TSPAN8: variants seen among roughly 807,000 people sequenced by gnomAD.
The protein encoded by TSPAN8 is tetraspanin-8.
Under a neutral mutation model 32.8 loss-of-function variants are expected in TSPAN8, and 21 were observed. That is an observed-to-expected ratio of 0.64 (90% CI 0.45 to 0.92). The LOEUF (loss-of-function observed/expected upper bound fraction) is 0.92, where lower values mean the gene tolerates loss of function less well. Among genes scored for constraint, TSPAN8 ranks in the 40% least tolerant of loss-of-function variants. The pLI, the probability that TSPAN8 is intolerant of heterozygous loss-of-function variation, is 0.00. For synonymous variants in TSPAN8, 95 were observed against 94.6 expected (o/e 1.00, Z -0.03); for missense variants, 269 against 281.9 (o/e 0.95, Z 0.33).
chr12:71,149,754 TTG>T (rs1401495213), intron 2 of TSPAN8, among the ~76,000 whole-genome samples: 4 of 152,238 alleles, frequency 2.6e-5, no homozygotes, highest in Non-Finnish European at 2.9e-5. Context: ...CCTGTGATAA[TTG>T]TGTTAACTGT....
chr12:71,154,443 T>C (rs939400612), intron 2 of TSPAN8, among the ~76,000 whole-genome samples: 1 of 151,706 alleles, frequency 6.6e-6, no homozygotes, highest in African/African-American at 2.4e-5. Flanking sequence ...TCAAGGTAGG[T>C]AGGTAAATAA....
At chr12:71,150,131 T>A (rs938899426) in intron 2 of TSPAN8, among the ~76,000 whole-genome samples, 2 of 152,148 alleles carry the variant, frequency 1.3e-5, no homozygotes, top group African/African-American at 4.8e-5. Flanking sequence ...CTTACTAGGA[T>A]TGGGAAACTC....
chr12:71,153,935 A>G (rs1252211589), intron 2 of TSPAN8, among the ~76,000 whole-genome samples: 1 of 152,168 alleles, frequency 6.6e-6, no homozygotes, highest in East Asian at 1.9e-4. Flanking sequence ...GTTAGTTAGA[A>G]AGATCTAACT....
chr12:71,157,735 G>A lies in TSPAN8; in HGVS notation c.-57C>T. 7.2e-7 allele frequency: 1 copy of A among 1,392,194 alleles called. No individual in the cohort carries two copies. The highest frequency in any genetic ancestry group is 1.2e-5 in the South Asian group (1 of 86,318). The allele number at this position is 1,392,194 out of a possible 1,614,324, so 86.2% of individuals were successfully genotyped here. On this transcript the variant is annotated 5_prime_UTR_variant, in exon 2 of 9. Coordinates refer to ENST00000247829, the MANE Select transcript of TSPAN8 (RefSeq NM_004616.3). ...GAATTTAACTATTCGTTACAGGCTT[G>A]TCCTGCAATATGCTCTGGAGCAACT...
At chr12:71,157,577 C>T in intron 2 of TSPAN8, 42 bp downstream of exon 2, 1 of 1,344,060 alleles carries the variant, frequency 7.4e-7, no homozygotes, top group Non-Finnish European at 1.1e-6. Context: ...ATCAAGATCC[C>T]CTTTCTTGCA....
intron 2 of TSPAN8, among the ~76,000 whole-genome samples, chr12:71,154,351 A>ATCATC: frequency 7.1e-6 from 1 of 140,006 alleles, no homozygotes; most frequent in African/African-American, 2.5e-5. Flanking sequence ...TAATAATAAT[A>ATCATC]ATAATCAGAG....
chr12:71,145,496 A>C (rs1872048999), intron 2 of TSPAN8, among the ~76,000 whole-genome samples: 1 of 152,144 alleles, frequency 6.6e-6, no homozygotes, highest in Admixed American at 6.5e-5. Flanking sequence ...TCATACACAC[A>C]CATAGACACA....
At chr12:71,148,064 T>G (rs1054436039) in intron 2 of TSPAN8, among the ~76,000 whole-genome samples, 1 of 152,216 alleles carries the variant, frequency 6.6e-6, no homozygotes, top group Non-Finnish European at 1.5e-5. Context: ...TATTTTCTAT[T>G]ACATCTCTTT....
At chr12:71,138,456 A>G (rs993575572) in intron 4 of TSPAN8, among the ~76,000 whole-genome samples, 5 of 152,226 alleles carry the variant, frequency 3.3e-5, no homozygotes, top group Non-Finnish European at 7.3e-5. Flanking sequence ...AGGCAAAAAA[A>G]TTATCAAAAC....
intron 4 of TSPAN8, 134 bp from the exon 5 acceptor site, chr12:71,138,364 C>A (rs1212198537): frequency 4.5e-6 from 4 of 895,056 alleles, no homozygotes; most frequent in Middle Eastern, 2.9e-4. Flanking sequence ...TTCATTTATT[C>A]CACTTTTTAC....
At position 71,125,385 on chromosome 12, in the gene TSPAN8, T is replaced by C; in HGVS notation, c.663A>G (p.Ile221Met). The change falls in exon 9 of 9, where the codon ATA becomes ATG. Residue 221 changes from isoleucine (I) to methionine (M), a missense_variant and splice_region_variant. Coordinates refer to ENST00000247829, the MANE Select transcript of TSPAN8 (RefSeq NM_004616.3). ...GGACCATAGAAAACACCAAACCCAG[T>C]ATCTAGAGAACAAAATAACAGGATT... ...GISFGLAVIE[I>M]LGLVFSMVLY... 6.2e-7 allele frequency: 1 copy of C among 1,611,380 alleles called. No homozygotes were observed. Among genetic ancestry groups the C allele is most frequent in the Non-Finnish European group, 8.5e-7 (1 of 1,178,984 alleles).
chr12:71,126,184 A>C (rs2137043501), intron 8 of TSPAN8, among the ~76,000 whole-genome samples: 1 of 152,340 alleles, frequency 6.6e-6, no homozygotes, highest in African/African-American at 2.4e-5. Flanking sequence ...TGCTGAGTCA[A>C]CTTAAATGCT....
chr12:71,152,907 G>A (rs879350851), intron 2 of TSPAN8, among the ~76,000 whole-genome samples: 1 of 152,092 alleles, frequency 6.6e-6, no homozygotes. Context: ...GATGAATATC[G>A]AAATGCTGGA....
intron 2 of TSPAN8, 188 bp downstream of exon 2, chr12:71,157,431 T>C: frequency 2.0e-6 from 1 of 511,248 alleles, no homozygotes; most frequent in South Asian, 3.5e-5. Flanking sequence ...TGCACTTTTT[T>C]GAGTCCTTGG....
At chr12:71,153,793 T>G (rs1292323116) in intron 2 of TSPAN8, among the ~76,000 whole-genome samples, 1 of 152,222 alleles carries the variant, frequency 6.6e-6, no homozygotes, top group Non-Finnish European at 1.5e-5. Context: ...AATATTGATG[T>G]CACCTCTTGG....
intron 2 of TSPAN8, among the ~76,000 whole-genome samples, chr12:71,154,067 A>G (rs3863375): frequency 0.52 from 79,610 of 151,788 alleles, 21,559 homozygotes; most frequent in East Asian, 0.72. Flanking sequence ...CCAGCACTTT[A>G]GGAGGCAGAA....
chr12:71,157,367 T>G, intron 2 of TSPAN8: 1 of 393,034 alleles, frequency 2.5e-6, no homozygotes, highest in Non-Finnish European at 4.6e-6. Flanking sequence ...TCTGTGATTT[T>G]TTTTTGCAGC....
chr12:71,126,657 TA>T (rs376195418), intron 8 of TSPAN8, among the ~76,000 whole-genome samples: 3 of 152,156 alleles, frequency 2.0e-5, no homozygotes, highest in South Asian at 4.1e-4. Context: ...TGCAGCAGTC[TA>T]AAAAAATGTA....
rs372737188 is a variant in TSPAN8 at position 71,148,761 on chromosome 12, G to A, written c.61-4548C>T. On this transcript the variant is annotated intron_variant, in intron 2 of 8. Transcript: ENST00000247829. ...TTCTATGTCACTGTCTTTATTTAAT[G>A]TGATCTCTACAGTGAAGTTTAATTC... Among the ~76,000 whole-genome samples, 5 of 152,226 alleles carry A rather than the reference G, an allele frequency of 3.3e-5. No individual in the cohort carries two copies. The South Asian group carries it at 1.0e-3, about 32-fold the overall frequency.
Sources: gnomAD v4.1 joint callset for allele counts (sites outside exome capture counted in the v4.1 genomes callset) on GRCh38, gnomAD v4.1.1 for gene constraint, MANE v1.5 for transcripts, NCBI Gene and HGNC (gene_info 2026-07-23, HGNC 2026-07-21) for gene names.